RGPD2: variants seen among roughly 807,000 people sequenced by gnomAD.
RGPD2 encodes the protein RANBP2 like and GRIP domain containing 2, also known as RANBP2-like and GRIP domain-containing protein 2.
A neutral mutation model predicts 36.0 loss-of-function variants in RGPD2; 2 were observed. The observed-to-expected ratio is 0.06, with a 90% CI of 0.02 to 0.17. RGPD2 has a LOEUF of 0.17. Among genes scored for constraint, RGPD2 ranks in the 10% least tolerant of loss-of-function variants. The pLI, the probability that RGPD2 is intolerant of heterozygous loss-of-function variation, is 1.00. For missense variants in RGPD2, 40 were observed against 464.3 expected (o/e 0.09, Z 8.40); for synonymous variants, 19 against 163.8 (o/e 0.12, Z 6.75).
chr2:87,839,764 C>T, the RGPD2 span, among the ~76,000 whole-genome samples: 1 of 151,936 alleles, frequency 6.6e-6, no homozygotes, highest in African/African-American at 2.4e-5. Context: ...ATACCACAGC[C>T]TACTTGAAGG....
chr2:87,772,793 G>A (rs1685166700), intron 21 of RGPD2, among the ~76,000 whole-genome samples: 1 of 149,552 alleles, frequency 6.7e-6, no homozygotes. Context: ...CAGATGAAGA[G>A]GTGGAAATGA....
At chr2:87,982,993 G>A in the RGPD2 span, among the ~76,000 whole-genome samples, 2 of 104,068 alleles carry the variant, frequency 1.9e-5, no homozygotes, top group African/African-American at 7.1e-5. Flanking sequence ...CAGAAAAATT[G>A]AGGATAATGT....
chr2:87,844,772 T>G, the RGPD2 span, among the ~76,000 whole-genome samples: 2 of 150,548 alleles, frequency 1.3e-5, no homozygotes, highest in Non-Finnish European at 3.0e-5. Context: ...ACAATTTCAT[T>G]GTTTCTTCAA....
chr2:87,917,761 A>T, the RGPD2 span, among the ~76,000 whole-genome samples: 4 of 97,454 alleles, frequency 4.1e-5, no homozygotes, highest in Non-Finnish European at 7.9e-5. Context: ...AAATTTCAGG[A>T]GGAATAATTT....
chr2:87,892,156 C>T, the RGPD2 span, among the ~76,000 whole-genome samples: 1 of 151,650 alleles, frequency 6.6e-6, no homozygotes, highest in East Asian at 1.9e-4. Context: ...ATTCAAGTAC[C>T]CTCTCTTGGG....
chr2:87,760,817 C>T (rs1180277967), intron 22 of RGPD2, among the ~76,000 whole-genome samples: 1 of 129,124 alleles, frequency 7.7e-6, no homozygotes, highest in East Asian at 2.3e-4. Flanking sequence ...CAGGGTTTCA[C>T]CGTGTTAGCC....
chr2:87,760,784 A>G (rs1170671550), intron 22 of RGPD2, among the ~76,000 whole-genome samples: 1 of 69,540 alleles, frequency 1.4e-5, no homozygotes, highest in Non-Finnish European at 2.8e-5. Flanking sequence ...CGCCCCGCTA[A>G]TTTTTTGTAT....
the RGPD2 span, among the ~76,000 whole-genome samples, chr2:87,865,314 G>T: frequency 6.6e-6 from 1 of 151,160 alleles, no homozygotes; most frequent in Admixed American, 6.6e-5. Context: ...ACATAGTTTC[G>T]AATTTCCTCT....
At chr2:87,912,960 C>T in the RGPD2 span, among the ~76,000 whole-genome samples, 1 of 150,234 alleles carries the variant, frequency 6.7e-6, no homozygotes, top group Non-Finnish European at 1.5e-5. Context: ...ATATTATGTT[C>T]CAGGTGTTTG....
the RGPD2 span, among the ~76,000 whole-genome samples, chr2:87,852,682 A>C: frequency 6.6e-6 from 1 of 152,352 alleles, no homozygotes; most frequent in Admixed American, 6.5e-5. Context: ...CAAGGTTGTC[A>C]CATTTGCTGT....
At chr2:87,977,592 T>C in the RGPD2 span, among the ~76,000 whole-genome samples, 3 of 149,676 alleles carry the variant, frequency 2.0e-5, no homozygotes, top group African/African-American at 7.6e-5. Flanking sequence ...AATGGGAGGA[T>C]GGCTGGAGCC....
the RGPD2 span, among the ~76,000 whole-genome samples, chr2:87,886,797 A>C: frequency 6.6e-6 from 1 of 151,856 alleles, no homozygotes; most frequent in Non-Finnish European, 1.5e-5. Flanking sequence ...AAATTATAGC[A>C]CAAATTGCAT....
the RGPD2 span, among the ~76,000 whole-genome samples, chr2:87,973,831 C>T: frequency 6.7e-6 from 1 of 148,744 alleles, no homozygotes; most frequent in Non-Finnish European, 1.5e-5. Context: ...AATAATAGGA[C>T]CTATTTCCCA....
chr2:87,830,494 T>C (rs1245139354), upstream of RGPD2, among the ~76,000 whole-genome samples: 4 of 152,088 alleles, frequency 2.6e-5, no homozygotes, highest in Non-Finnish European at 5.9e-5. Flanking sequence ...CCCTCCAAAC[T>C]CTTTCAACCT....
the RGPD2 span, among the ~76,000 whole-genome samples, chr2:87,836,348 A>AAG: frequency 2.0e-5 from 3 of 152,026 alleles, no homozygotes; most frequent in South Asian, 6.2e-4. Flanking sequence ...GAAGGAAAAA[A>AAG]AAGAAAAGAA....
rs1283177095 is a variant in RGPD2, at chr2:87,805,841, C to T, written c.975+855G>A. On this transcript the variant is annotated intron_variant, in intron 7 of 22. Coordinates refer to ENST00000398146, the MANE Select transcript of RGPD2 (RefSeq NM_001078170.3). ...TGCCACTGCACTCCAGCCTGGGCGA[C>T]AGAGCGAGACTCCGTCTCAAAAAAA... Among the ~76,000 whole-genome samples, 51 of 129,722 alleles carry T rather than the reference C, an allele frequency of 3.9e-4. No individual in the cohort carries two copies. In the South Asian group the frequency reaches 0.013, roughly 32 times the overall value. The allele number at this position is 129,722 out of a possible 152,430, so 85.1% of individuals were successfully genotyped here.
At position 87,809,253 on chromosome 2, in the gene RGPD2, C is replaced by T. The variant is rs1426611659; in HGVS notation, c.779+2232G>A. ...CCTGGAGACAGAGCTTGCAGTGAGC[C>T]GAGATGGCGCCACTGCACTCCAGCC... On this transcript the variant is annotated intron_variant, in intron 6 of 22. Transcript: ENST00000398146. Among the ~76,000 whole-genome samples, 7 of 150,636 alleles carry T rather than the reference C, an allele frequency of 4.6e-5. No homozygotes were observed. In the South Asian group the frequency reaches 6.4e-4, roughly 14 times the overall value.
the RGPD2 span, among the ~76,000 whole-genome samples, chr2:87,915,591 CAT>C: frequency 1.2e-4 from 17 of 141,702 alleles, no homozygotes; most frequent in South Asian, 2.4e-3. Context: ...TGTATATACA[CAT>C]ATATATGTGT....
intron 22 of RGPD2, among the ~76,000 whole-genome samples, chr2:87,769,272 TTC>T (rs1194765220): frequency 6.6e-6 from 1 of 151,300 alleles, no homozygotes; most frequent in Admixed American, 6.6e-5. Flanking sequence ...AGGCCTTACA[TTC>T]TCTCTCTTAA....
Sources: gnomAD v4.1 joint callset for allele counts (sites outside exome capture counted in the v4.1 genomes callset) on GRCh38, gnomAD v4.1.1 for gene constraint, MANE v1.5 for transcripts, NCBI Gene and HGNC (gene_info 2026-07-23, HGNC 2026-07-21) for gene names.